Variants in HPS1 observed in about 807,000 individuals in gnomAD.
HPS1 encodes HPS1 biogenesis of lysosomal organelles complex 3 subunit 1.
A neutral mutation model predicts 90.6 loss-of-function variants in HPS1; 59 were observed. The ratio of observed to expected loss-of-function variants is 0.65; its 90% CI spans 0.53 to 0.81. HPS1 has a LOEUF of 0.81. HPS1 is among the 30% of genes least tolerant of loss of function. The probability of loss-of-function intolerance (pLI) is 0.00; values close to 1 mark genes in which losing one functional copy is unlikely to be tolerated. For missense variants in HPS1, 849 were observed against 896.7 expected, an observed-to-expected ratio of 0.95 and a Z score of 0.68; for synonymous variants, 388 against 384.4, an observed-to-expected ratio of 1.01 and a Z score of -0.11.
chr10:98,429,204 A>G, intron 10 of HPS1: 1 of 1,032,428 alleles, frequency 9.7e-7, no homozygotes, highest in Non-Finnish European at 1.2e-6. Context: ...AACAAAGTAT[A>G]AACTACAGAT....
At chr10:98,415,141 C>T (rs1377251250), downstream of HPS1, 3 of 1,612,034 alleles carry the variant, frequency 1.9e-6, no homozygotes, top group South Asian at 1.1e-5. Flanking sequence ...GCCATTTCTG[C>T]CCCAGGCTGG....
rs977676919 is a variant in HPS1, at chr10:98,417,499, G to A, written c.*65C>T. The A allele has an allele frequency of 2.1e-6, 3 of 1,427,784 alleles. No homozygotes were observed. The highest frequency in any genetic ancestry group is 2.9e-6 in the Non-Finnish European group (3 of 1,036,272). 88.4% of individuals were successfully genotyped at this position (1,427,784 alleles called of 1,614,324 possible). A position where few individuals can be genotyped will look rare whatever the true frequency, so the allele number is the denominator to read the frequency against. On this transcript the variant is annotated 3_prime_UTR_variant, in exon 20 of 20. Coordinates refer to ENST00000361490, the MANE Select transcript of HPS1 (RefSeq NM_000195.5). The surrounding 1 kb of genome is among the most constrained non-coding windows in gnomAD (Gnocchi z 4.2). The stretch of plus-strand genomic sequence containing the variant: ...CTGCAGACAGGAGGCTCTCGTCATG[G>A]GGAACAGTGGCAAGCAAGGGTGGCT...
chr10:98,416,858 G>C lies in HPS1; in HGVS notation c.*706C>G, dbSNP rs3830020. On this transcript the variant is annotated 3_prime_UTR_variant, in exon 20 of 20. Coordinates refer to ENST00000361490, the MANE Select transcript of HPS1 (RefSeq NM_000195.5). The stretch of plus-strand genomic sequence containing the variant: ...ACAGAAGCTTTGAAAGACATCAAAG[G>C]CTGGGCTCCACGGCCGCCAAGGGAA... 73,548 of 152,232 alleles carry C rather than the reference G, an allele frequency of 0.48. 20,363 individuals are homozygous for C. Among genetic ancestry groups the C allele is most frequent in the African/African-American group, 0.76 (31,381 of 41,492 alleles). The allele number at this position is 152,232 out of a possible 1,614,324, so 9.4% of individuals were successfully genotyped here. A position where few individuals can be genotyped will look rare whatever the true frequency, so the allele number is the denominator to read the frequency against.
chr10:98,425,055 ACCTGTCT>A (rs1202845202), intron 13 of HPS1, among the ~76,000 whole-genome samples: 1 of 152,014 alleles, frequency 6.6e-6, no homozygotes, highest in African/African-American at 2.4e-5. Flanking sequence ...GCACATTCTC[ACCTGTCT>A]CCTGGTCTCA....
At chr10:98,424,791 CAGA>C (rs145739487) in intron 13 of HPS1, among the ~76,000 whole-genome samples, 15,227 of 152,090 alleles carry the variant, frequency 0.1, 803 homozygotes, top group East Asian at 0.17. Flanking sequence ...CTCTATAAAG[CAGA>C]AGAACTTGGT....
intron 3 of HPS1, among the ~76,000 whole-genome samples, chr10:98,437,416 A>G (rs1232805156): frequency 6.6e-6 from 1 of 152,276 alleles, no homozygotes; most frequent in African/African-American, 2.4e-5. Flanking sequence ...TAAAAGCAGT[A>G]TAGTCACATA....
downstream of HPS1, chr10:98,415,203 C>G (rs1293732441): frequency 6.4e-7 from 1 of 1,565,870 alleles, no homozygotes; most frequent in Admixed American, 1.8e-5. Flanking sequence ...CTGCCCTAGG[C>G]ACGGGGTGGA....
chr10:98,444,039 AAAAC>A (rs144071027), intron 2 of HPS1, among the ~76,000 whole-genome samples: 3,366 of 150,004 alleles, frequency 0.022, 82 homozygotes, highest in African/African-American at 0.055. Context: ...TCTGTCTGAA[AAAAC>A]AAACAAACAA....
At chr10:98,428,008 T>C (rs1042647391) in intron 10 of HPS1, among the ~76,000 whole-genome samples, 1 of 152,122 alleles carries the variant, frequency 6.6e-6, no homozygotes, top group Non-Finnish European at 1.5e-5. Context: ...AAAAAACCAC[T>C]ATCAAGAGAG....
At chr10:98,415,243 GC>G, downstream of HPS1, 1 of 1,384,988 alleles carries the variant, frequency 7.2e-7, no homozygotes, top group Non-Finnish European at 9.7e-7. Context: ...AGGAGGAGCT[GC>G]AGTCCCCCTC....
At chr10:98,427,292 A>G in intron 10 of HPS1, 28 bp from the exon 11 acceptor site, 1 of 1,540,660 alleles carries the variant, frequency 6.5e-7, no homozygotes. Context: ...TAACATAACG[A>G]TGTAAGTACC....
Position 98,435,363 on chromosome 10 carries a change from C to T in HPS1, c.307G>A (p.Gly103Arg), listed in dbSNP as rs771121322. The stretch of plus-strand genomic sequence containing the variant: ...ACATACAGCTTCCGCCGCAGGTCCC[C>T]CTCGCTCTCGGTGTGGTCACCATTG... ...AINGDHTESE[G>R]DLRRKLYVLK... The change falls in exon 5 of 20, where the codon GGG becomes AGG. Residue 103 changes from glycine to arginine, a missense_variant. Transcript: ENST00000361490. The surrounding 1 kb of genome is among the most constrained non-coding windows in gnomAD (Gnocchi z 4.3). 1.2e-5 allele frequency: 19 copies of T among 1,613,952 alleles called. No homozygotes were observed. The highest frequency in any genetic ancestry group is 1.6e-5 in the Non-Finnish European group (19 of 1,180,030).
At position 98,435,265 on chromosome 10, in the gene HPS1, G is replaced by C; in HGVS notation, c.398+7C>G. ...AAGGACAGAGGGGACCAGCTTTGAA[G>C]ACTCACTCCTTTCGGATAAGATGAC... On this transcript the variant is annotated splice_region_variant and intron_variant, in intron 5 of 19. Coordinates refer to ENST00000361490, the MANE Select transcript of HPS1 (RefSeq NM_000195.5). This position sits in a 1 kb window ranked among gnomAD's most constrained non-coding sequence, Gnocchi z 4.3. The C allele has an allele frequency of 6.2e-7, 1 of 1,614,030 alleles. No individual in the cohort carries two copies. The highest frequency in any genetic ancestry group is 8.5e-7 in the Non-Finnish European group (1 of 1,180,034).
chr10:98,415,910 G>C (rs912293578), downstream of HPS1, among the ~76,000 whole-genome samples: 14 of 152,366 alleles, frequency 9.2e-5, no homozygotes, highest in East Asian at 2.7e-3. Flanking sequence ...GGTCACATCT[G>C]TAAATACCTC....
At chr10:98,424,956 C>T (rs1051439108) in intron 13 of HPS1, among the ~76,000 whole-genome samples, 2 of 151,894 alleles carry the variant, frequency 1.3e-5, no homozygotes, top group Admixed American at 6.5e-5. Context: ...CTGCTTAAAT[C>T]CAGAGTCAAG....
At chr10:98,434,702 G>A (rs1327884347) in intron 5 of HPS1, among the ~76,000 whole-genome samples, 4 of 151,912 alleles carry the variant, frequency 2.6e-5, no homozygotes, top group Admixed American at 2.6e-4. Context: ...GTGATACTAC[G>A]AACTTCTCTT....
chr10:98,415,699 G>A (rs914121513), downstream of HPS1, among the ~76,000 whole-genome samples: 27 of 152,344 alleles, frequency 1.8e-4, no homozygotes, highest in African/African-American at 6.3e-4. Flanking sequence ...CACGACCAGG[G>A]CCTTCAGACA....
downstream of HPS1, among the ~76,000 whole-genome samples, chr10:98,415,526 C>T (rs553658178): frequency 6.6e-6 from 1 of 152,310 alleles, no homozygotes; most frequent in Non-Finnish European, 1.5e-5. Flanking sequence ...TCGAAAGGGC[C>T]CTCTCCTCCC....
At chr10:98,415,068 T>G (rs2136062900), downstream of HPS1, 1 of 1,613,868 alleles carries the variant, frequency 6.2e-7, no homozygotes, top group Non-Finnish European at 8.5e-7. Context: ...TTCCGTGTTA[T>G]CTCGTCTCCA....
Sources: allele counts gnomAD v4.1 joint callset (sites outside exome capture counted in the v4.1 genomes callset), GRCh38; gene constraint gnomAD v4.1.1; non-coding constraint Gnocchi (gnomAD v3.1); transcripts MANE v1.5; gene names NCBI Gene and HGNC (gene_info 2026-07-23, HGNC 2026-07-21).